The following MTA3 variants were observed in gnomAD, a reference collection of about 807,000 sequenced individuals.
The protein encoded by MTA3 is metastasis-associated protein MTA3.
A neutral mutation model predicts 83.5 loss-of-function variants in MTA3; 34 were observed. The ratio of observed to expected loss-of-function variants is 0.41; its 90% CI spans 0.31 to 0.54. The LOEUF is 0.54. Ranked by LOEUF, MTA3 falls within the 20% of genes least tolerant of loss-of-function variation. The pLI, the probability that MTA3 is intolerant of heterozygous loss-of-function variation, is 0.33. For missense variants in MTA3, 761 were observed against 726.4 expected (o/e 1.05, Z -0.55); for synonymous variants, 303 against 252.7 (o/e 1.20, Z -1.89).
chr2:42,634,031 G>A (rs1686949493), intron 4 of MTA3, among the ~76,000 whole-genome samples: 1 of 152,100 alleles, frequency 6.6e-6, no homozygotes, highest in Admixed American at 6.6e-5. Context: ...AGGGACCTTT[G>A]ACAATTTGGA....
intron 3 of MTA3, among the ~76,000 whole-genome samples, chr2:42,586,707 T>G (rs371338323): frequency 6.6e-6 from 1 of 151,918 alleles, no homozygotes; most frequent in Non-Finnish European, 1.5e-5. Flanking sequence ...AGGACCAGCA[T>G]GGCAAAAACC....
chr2:42,665,012 G>T (rs1277497640), intron 8 of MTA3, among the ~76,000 whole-genome samples: 1 of 152,142 alleles, frequency 6.6e-6, no homozygotes, highest in Non-Finnish European at 1.5e-5. Context: ...AAATATATAA[G>T]ATTCATAATT....
At chr2:42,694,121 G>A (rs183090759) in intron 9 of MTA3, among the ~76,000 whole-genome samples, 4 of 152,312 alleles carry the variant, frequency 2.6e-5, no homozygotes, top group South Asian at 4.1e-4. Context: ...GGCTGAGCAG[G>A]TATCCAAGAT....
chr2:42,627,764 G>A (rs1156681191), intron 4 of MTA3, among the ~76,000 whole-genome samples: 2 of 133,782 alleles, frequency 1.5e-5, no homozygotes, highest in East Asian at 2.2e-4. Flanking sequence ...TTTTGGTAGA[G>A]ACATAGTTTC....
At chr2:42,509,361 C>T (rs76828608) in intron 2 of MTA3, among the ~76,000 whole-genome samples, 5,761 of 152,186 alleles carry the variant, frequency 0.038, 149 homozygotes, top group South Asian at 0.091. Context: ...TACTTATTTA[C>T]CGTCTGTCTC....
At chr2:42,543,577 C>G (rs1050376513) in intron 2 of MTA3, among the ~76,000 whole-genome samples, 1 of 151,904 alleles carries the variant, frequency 6.6e-6, no homozygotes, top group Non-Finnish European at 1.5e-5. Flanking sequence ...CCTGGAACTC[C>G]TGGACTCAAG....
rs147663163 is a variant in MTA3 at position 42,755,687 on chromosome 2, C to T, written c.*2288C>T. 3 of 985,510 alleles carry T rather than the reference C, an allele frequency of 3.0e-6. No homozygotes were observed. In the African/African-American group the frequency reaches 5.2e-5, roughly 17 times the overall value. 61.0% of individuals were successfully genotyped at this position (985,510 alleles called of 1,614,324 possible). ...TAGTCTGTGCCTTTGCCGTTGGAAG[C>T]ATTTGGTGCTGAGAGGGTTTCCCAG... On this transcript the variant is annotated 3_prime_UTR_variant, in exon 17 of 17. Coordinates refer to ENST00000405094, the MANE Select transcript of MTA3 (RefSeq NM_001330442.2).
At chr2:42,693,882 C>G (rs140055871) in intron 9 of MTA3, among the ~76,000 whole-genome samples, 137 of 152,228 alleles carry the variant, frequency 9.0e-4, no homozygotes, top group African/African-American at 3.0e-3. Context: ...ACACTGTAGT[C>G]AGCACATCTC....
chr2:42,693,488 C>T (rs1468285200), intron 9 of MTA3, among the ~76,000 whole-genome samples: 2 of 152,190 alleles, frequency 1.3e-5, no homozygotes, highest in Non-Finnish European at 2.9e-5. Flanking sequence ...CCCCTTTCCA[C>T]AGGCAGAGGG....
chr2:42,553,604 G>A (rs561723549), intron 2 of MTA3, among the ~76,000 whole-genome samples: 46 of 150,246 alleles, frequency 3.1e-4, no homozygotes, highest in African/African-American at 1.1e-3. Context: ...GTATGGTGGC[G>A]CATGCCTGTA....
chr2:42,614,985 A>AAC (rs754141915), intron 4 of MTA3, among the ~76,000 whole-genome samples: 36 of 150,790 alleles, frequency 2.4e-4, no homozygotes, highest in Admixed American at 1.2e-3. Context: ...TTAAAAAAAA[A>AAC]AAAAACAAAA....
At chr2:42,606,208 C>A (rs1410935465) in intron 3 of MTA3, among the ~76,000 whole-genome samples, 3 of 108,366 alleles carry the variant, frequency 2.8e-5, no homozygotes, top group Admixed American at 1.9e-4. Flanking sequence ...GACCCCCCCC[C>A]ACCTCCCTCC....
At chr2:42,576,708 G>A (rs368438341) in intron 2 of MTA3, among the ~76,000 whole-genome samples, 3 of 152,034 alleles carry the variant, frequency 2.0e-5, no homozygotes, top group African/African-American at 7.2e-5. Flanking sequence ...GACTAGCCTG[G>A]CCAATGTGGT....
At chr2:42,667,285 A>C (rs1250967063) in intron 8 of MTA3, among the ~76,000 whole-genome samples, 1 of 152,136 alleles carries the variant, frequency 6.6e-6, no homozygotes, top group Non-Finnish European at 1.5e-5. Context: ...TTTTAAATGT[A>C]TTAAGTAGAT....
At chr2:42,499,354 C>T (rs985437612) in intron 2 of MTA3, among the ~76,000 whole-genome samples, 1 of 151,444 alleles carries the variant, frequency 6.6e-6, no homozygotes, top group African/African-American at 2.4e-5. Flanking sequence ...TTAGTAGAGA[C>T]AGGGTTTCTC....
At chr2:42,609,374 A>G in intron 3 of MTA3, 84 bp from the exon 4 acceptor site, 2 of 1,378,452 alleles carry the variant, frequency 1.5e-6, no homozygotes, top group Non-Finnish European at 2.0e-6. Flanking sequence ...AAAATATTGA[A>G]TAAAATGTTG....
intron 1 of MTA3, 31 bp downstream of exon 1, chr2:42,568,804 T>A: frequency 8.2e-7 from 1 of 1,214,884 alleles, no homozygotes; most frequent in Non-Finnish European, 1.0e-6. Flanking sequence ...CCGGCCCGTG[T>A]GGGAGCGGGT....
chr2:42,596,495 A>G (rs1408400910), intron 3 of MTA3, among the ~76,000 whole-genome samples: 1 of 152,240 alleles, frequency 6.6e-6, no homozygotes, highest in African/African-American at 2.4e-5. Flanking sequence ...CTCATTAACC[A>G]GATTATTATC....
At chr2:42,522,602 C>T (rs974636104) in intron 2 of MTA3, among the ~76,000 whole-genome samples, 1 of 151,572 alleles carries the variant, frequency 6.6e-6, no homozygotes, top group Non-Finnish European at 1.5e-5. Flanking sequence ...TCTAGACCAT[C>T]CTGGGCATCA....
Sources: gnomAD v4.1 joint callset for allele counts (sites outside exome capture counted in the v4.1 genomes callset) on GRCh38, gnomAD v4.1.1 for gene constraint, MANE v1.5 for transcripts, NCBI Gene and HGNC (gene_info 2026-07-23, HGNC 2026-07-21) for gene names.